The following STAG1 variants were observed in gnomAD, a reference collection of about 807,000 sequenced individuals.
STAG1 encodes cohesin subunit SA-1.
In STAG1, 26 loss-of-function variants were observed where a neutral mutation model predicts 170.9. The ratio of observed to expected loss-of-function variants is 0.15; its 90% CI spans 0.11 to 0.21. The LOEUF (loss-of-function observed/expected upper bound fraction) is 0.21. Among genes scored for constraint, STAG1 ranks in the 10% least tolerant of loss-of-function variants. The probability of loss-of-function intolerance (pLI) is 1.00; values close to 1 mark genes in which losing one functional copy is unlikely to be tolerated. For missense variants in STAG1, 964 were observed against 1,509.5 expected (o/e 0.64, Z 5.99); for synonymous variants, 514 against 497.7 (o/e 1.03, Z -0.44).
chr3:136,523,473 G>A (rs141341493), intron 6 of STAG1, among the ~76,000 whole-genome samples: 10,109 of 152,186 alleles, frequency 0.066, 1,105 homozygotes, highest in African/African-American at 0.23. Flanking sequence ...TTAGCCTTTT[G>A]TCAGATGAGT....
In STAG1 at chr3:136,527,321, T is replaced by C. The variant is rs1390160002; in HGVS notation, c.472-5904A>G. Among the ~76,000 whole-genome samples the C allele has an allele frequency of 2.0e-5, 3 of 152,222 alleles. No homozygotes were observed. The East Asian group carries it at 5.8e-4, about 29-fold the overall frequency. On this transcript the variant is annotated intron_variant, in intron 6 of 33. Coordinates refer to ENST00000383202, the MANE Select transcript of STAG1 (RefSeq NM_005862.3). Reference sequence around the variant, plus strand: ...TTACTCTTTTTTCTCCAAACTTCCTTTCTCGCTTCATTTCATTCATTTGAT... The same window carrying C: ...TTACTCTTTTTTCTCCAAACTTCCTCTCTCGCTTCATTTCATTCATTTGAT...
intron 7 of STAG1, among the ~76,000 whole-genome samples, chr3:136,509,858 T>C (rs1044636632): frequency 6.6e-6 from 1 of 152,224 alleles, no homozygotes; most frequent in African/African-American, 2.4e-5. Flanking sequence ...ATACCTATTA[T>C]ACCTTTGAAA....
intron 15 of STAG1, among the ~76,000 whole-genome samples, chr3:136,442,641 G>T (rs2088664672): frequency 6.7e-6 from 1 of 150,108 alleles, no homozygotes; most frequent in African/African-American, 2.4e-5. Context: ...TGCATAAAAG[G>T]TTTTTTCAAA....
chr3:136,473,830 G>C (rs1192134979), intron 10 of STAG1, among the ~76,000 whole-genome samples, 193 bp from the exon 11 acceptor site: 1 of 151,296 alleles, frequency 6.6e-6, no homozygotes, highest in African/African-American at 2.4e-5. Flanking sequence ...TCACTGAAAA[G>C]ACCTTAGTTA....
At chr3:136,394,723 C>T (rs903178834) in intron 22 of STAG1, among the ~76,000 whole-genome samples, 4 of 151,922 alleles carry the variant, frequency 2.6e-5, no homozygotes, top group African/African-American at 9.7e-5. Context: ...GAGGCGAAGA[C>T]AGGCAGATCA....
chr3:136,619,676 G>A (rs570474439), intron 3 of STAG1, among the ~76,000 whole-genome samples: 1 of 140,600 alleles, frequency 7.1e-6, no homozygotes, highest in East Asian at 2.2e-4. Flanking sequence ...AGAATTGCTT[G>A]AACCTGGGAG....
At chr3:136,572,601 CAAAAA>C (rs11379268) in intron 4 of STAG1, among the ~76,000 whole-genome samples, 18 of 66,700 alleles carry the variant, frequency 2.7e-4, no homozygotes, top group African/African-American at 1.1e-3. Flanking sequence ...AAGACTGTCT[CAAAAA>C]AAAAAAAAAA....
At chr3:136,690,056 CA>C (rs57082567) in intron 1 of STAG1, among the ~76,000 whole-genome samples, 8,539 of 56,450 alleles carry the variant, frequency 0.15, 324 homozygotes, top group African/African-American at 0.29. Flanking sequence ...AAAAGCAAAC[CA>C]AAAAAAAAAA....
intron 3 of STAG1, among the ~76,000 whole-genome samples, chr3:136,607,978 C>G (rs1576661092): frequency 6.6e-6 from 1 of 152,286 alleles, no homozygotes; most frequent in Middle Eastern, 3.4e-3. Context: ...ACTGGTTGGC[C>G]GGGCACAATG....
At chr3:136,516,340 T>C (rs933559693) in intron 7 of STAG1, among the ~76,000 whole-genome samples, 1 of 151,856 alleles carries the variant, frequency 6.6e-6, no homozygotes, top group Non-Finnish European at 1.5e-5. Context: ...ATCCCAACTC[T>C]ACAAAAACTA....
chr3:136,714,016 T>A (rs1177560648), intron 1 of STAG1, among the ~76,000 whole-genome samples: 1 of 150,576 alleles, frequency 6.6e-6, no homozygotes, highest in Non-Finnish European at 1.5e-5. Context: ...AGAGCAAGAC[T>A]CTCTCTCAAA....
At chr3:136,385,180 A>C (rs532480634) in intron 22 of STAG1, among the ~76,000 whole-genome samples, 1 of 152,276 alleles carries the variant, frequency 6.6e-6, no homozygotes, top group African/African-American at 2.4e-5. Context: ...TGGGTGGGGC[A>C]ATTCACACCT....
chr3:136,444,781 C>T (rs1368867589), intron 14 of STAG1, among the ~76,000 whole-genome samples: 1 of 152,194 alleles, frequency 6.6e-6, no homozygotes, highest in Non-Finnish European at 1.5e-5. Context: ...TGGTTATCTA[C>T]TGTTATCTTG....
intron 20 of STAG1, among the ~76,000 whole-genome samples, chr3:136,419,490 C>T (rs147897725): frequency 3.9e-5 from 6 of 152,094 alleles, no homozygotes; most frequent in Non-Finnish European, 7.4e-5. Flanking sequence ...GCTCTGTTGC[C>T]CTGAGGTGCA....
chr3:136,599,565 A>C (rs538169131), intron 4 of STAG1, among the ~76,000 whole-genome samples: 1 of 151,826 alleles, frequency 6.6e-6, no homozygotes, highest in Non-Finnish European at 1.5e-5. Context: ...TAAATCCTTC[A>C]TCTCTTTTCT....
intron 9 of STAG1, among the ~76,000 whole-genome samples, chr3:136,485,405 C>T (rs1030592287): frequency 2.2e-4 from 34 of 152,014 alleles, no homozygotes; most frequent in African/African-American, 6.3e-4. Context: ...TGCAGTAAGC[C>T]GAGATCACGC....
intron 21 of STAG1, among the ~76,000 whole-genome samples, chr3:136,407,933 A>G (rs1280840882): frequency 2.0e-5 from 3 of 152,080 alleles, no homozygotes; most frequent in Admixed American, 6.6e-5. Flanking sequence ...GCATGGTAAA[A>G]TATCCAACAG....
At chr3:136,747,554 T>C (rs1576845904) in intron 1 of STAG1, among the ~76,000 whole-genome samples, 1 of 152,070 alleles carries the variant, frequency 6.6e-6, no homozygotes, top group East Asian at 2.0e-4. Flanking sequence ...CCGGGCGTAG[T>C]GGCATGCACC....
intron 1 of STAG1, among the ~76,000 whole-genome samples, chr3:136,670,317 T>C (rs1473741152): frequency 6.6e-6 from 1 of 152,184 alleles, no homozygotes; most frequent in East Asian, 1.9e-4. Context: ...AAACAGTGAT[T>C]CATAATTAAG....
Sources: gnomAD v4.1 joint callset for allele counts (sites outside exome capture counted in the v4.1 genomes callset) on GRCh38, gnomAD v4.1.1 for gene constraint, MANE v1.5 for transcripts, NCBI Gene and HGNC (gene_info 2026-07-23, HGNC 2026-07-21) for gene names.